Variants in GNA12 observed in about 807,000 individuals in gnomAD.
GNA12 encodes the protein guanine nucleotide-binding protein subunit alpha-12.
GNA12 carries 9 observed loss-of-function variants against 26.0 expected under a neutral mutation model. The ratio of observed to expected loss-of-function variants is 0.35; its 90% confidence interval spans 0.21 to 0.60. GNA12 has a LOEUF of 0.60. Ranked by LOEUF, GNA12 falls within the 20% of genes least tolerant of loss-of-function variation. GNA12 has a pLI of 0.78. For synonymous variants in GNA12, 264 were observed against 219.6 expected, an observed-to-expected ratio of 1.20 and a Z score of -1.79; for missense variants, 405 against 525.8, an observed-to-expected ratio of 0.77 and a Z score of 2.25.
chr7:2,784,522 T>A (rs578027264), intron 2 of GNA12, among the ~76,000 whole-genome samples: 1 of 152,374 alleles, frequency 6.6e-6, no homozygotes, highest in African/African-American at 2.4e-5. Context: ...ACTGTGGAAC[T>A]TCCTCACTGT....
Position 2,730,985 on chromosome 7 carries a change from T to C in GNA12, c.*196A>G, listed in dbSNP as rs1012726968. 3.7e-6 allele frequency: 2 copies of C among 534,260 alleles called. No individual in the cohort carries two copies. The highest frequency in any genetic ancestry group is 3.8e-5 in the African/African-American group (2 of 53,202). 33.1% of individuals were successfully genotyped at this position (534,260 alleles called of 1,614,324 possible). ...AGTTTCACTCGCCCCCAGGATTCAG[T>C]AGCTAACGTGACAGTTTCCATGTCC... is the stretch of plus-strand genomic sequence containing the variant. On this transcript the variant is annotated 3_prime_UTR_variant, in exon 4 of 4. Transcript: ENST00000275364.
chr7:2,777,053 G>A (rs1053181691), intron 2 of GNA12, among the ~76,000 whole-genome samples: 2 of 152,174 alleles, frequency 1.3e-5, no homozygotes, highest in African/African-American at 4.8e-5. Flanking sequence ...GACTGCAGCT[G>A]TACTTCCTGG....
chr7:2,843,827 G>C (rs934685916), intron 1 of GNA12, 26 bp downstream of exon 1: 16 of 1,370,006 alleles, frequency 1.2e-5, no homozygotes, highest in Non-Finnish European at 1.6e-5. Flanking sequence ...CCTGGGTGCA[G>C]GTGCTGGGCG....
intron 2 of GNA12, among the ~76,000 whole-genome samples, chr7:2,739,951 G>T (rs899928042): frequency 6.6e-6 from 1 of 152,194 alleles, no homozygotes; most frequent in Non-Finnish European, 1.5e-5. Context: ...GGGATTACAG[G>T]TGTGAGTCAC....
chr7:2,733,133 C>G (rs1362860622), intron 3 of GNA12, among the ~76,000 whole-genome samples: 1 of 152,176 alleles, frequency 6.6e-6, no homozygotes, highest in Non-Finnish European at 1.5e-5. Flanking sequence ...ACTGCCATGC[C>G]TGGGGTTTCA....
chr7:2,842,469 G>A (rs1779024940), intron 1 of GNA12, among the ~76,000 whole-genome samples: 1 of 152,094 alleles, frequency 6.6e-6, no homozygotes, highest in African/African-American at 2.4e-5. Flanking sequence ...CAACTAATGT[G>A]TTCATTTTTG....
At chr7:2,771,738 A>G (rs185211255) in intron 2 of GNA12, among the ~76,000 whole-genome samples, 1 of 150,426 alleles carries the variant, frequency 6.6e-6, no homozygotes, top group East Asian at 1.9e-4. Context: ...TGCCATAAAC[A>G]TGTGTGTGCA....
chr7:2,793,799 CT>C (rs1423217825), intron 2 of GNA12, among the ~76,000 whole-genome samples: 1 of 149,260 alleles, frequency 6.7e-6, no homozygotes, highest in Non-Finnish European at 1.5e-5. Flanking sequence ...GGGAGAATCA[CT>C]TGAATCCAGA....
At chr7:2,812,204 T>A (rs575509625) in intron 1 of GNA12, among the ~76,000 whole-genome samples, 3 of 152,374 alleles carry the variant, frequency 2.0e-5, no homozygotes, top group South Asian at 2.1e-4. Context: ...TCAGAATTCC[T>A]CCCTTAAGGA....
intron 1 of GNA12, among the ~76,000 whole-genome samples, chr7:2,827,021 G>A (rs924172726): frequency 2.6e-5 from 4 of 152,178 alleles, no homozygotes; most frequent in Non-Finnish European, 4.4e-5. Context: ...AAACTGGTGT[G>A]GGGGAGGCAG....
intron 1 of GNA12, 48 bp downstream of exon 1, chr7:2,843,805 C>T (rs1779084632): frequency 4.4e-6 from 5 of 1,139,236 alleles, no homozygotes; most frequent in South Asian, 1.9e-5. Context: ...CGGGGGTTAG[C>T]GCCCCGGCCC....
At chr7:2,739,602 G>A (rs974271802) in intron 2 of GNA12, among the ~76,000 whole-genome samples, 3 of 152,190 alleles carry the variant, frequency 2.0e-5, no homozygotes, top group Non-Finnish European at 2.9e-5. Context: ...ACAGCTGTGT[G>A]GAAGTTTTTG....
chr7:2,752,934 C>G (rs1466012944), intron 2 of GNA12, among the ~76,000 whole-genome samples: 1 of 152,176 alleles, frequency 6.6e-6, no homozygotes, highest in Non-Finnish European at 1.5e-5. Flanking sequence ...ATTTGTGTAA[C>G]CACCACTGCA....
At chr7:2,835,986 A>C in intron 1 of GNA12, 1 of 454,558 alleles carries the variant, frequency 2.2e-6, no homozygotes, top group South Asian at 2.2e-5. Context: ...TGTATGCAAA[A>C]TTTGGGAGCA....
chr7:2,731,157 C>T lies in GNA12; in HGVS notation c.*24G>A, dbSNP rs541738381. ...GACAGCCGTGGGGGCTGCTCAACGACGACAAACCCCGGGGCTTCCTCGCTC... is the reference window on the plus strand; with the variant it reads ...GACAGCCGTGGGGGCTGCTCAACGATGACAAACCCCGGGGCTTCCTCGCTC... On this transcript the variant is annotated 3_prime_UTR_variant, in exon 4 of 4. Transcript: ENST00000275364. The surrounding 1 kb of genome is among the most constrained non-coding windows in gnomAD (Gnocchi z 6.0). 23 of 1,555,238 alleles carry T rather than the reference C, an allele frequency of 1.5e-5. No individual in the cohort carries two copies. The highest frequency in any genetic ancestry group is 5.2e-5 in the Admixed American group (3 of 58,038).
chr7:2,760,241 C>T (rs997842026), intron 2 of GNA12: 1 of 152,448 alleles, frequency 6.6e-6, no homozygotes, highest in African/African-American at 2.4e-5. Flanking sequence ...GGAGGGCACA[C>T]CCCAGCACGA....
Position 2,814,998 on chromosome 7 carries a change from G to T in GNA12, c.310-19855C>A, listed in dbSNP as rs1328161787. The stretch of plus-strand genomic sequence containing the variant: ...GCTGACAAGGACGTCACTGTATCCA[G>T]GTCTAATCTCGCCCCTTCCACCCAA... On this transcript the variant is annotated intron_variant, in intron 1 of 3. Transcript: ENST00000275364. The T allele has an allele frequency of 4.5e-6, 7 of 1,543,302 alleles. No homozygotes were observed. The African/African-American group carries it at 9.6e-5, about 21-fold the overall frequency.
chr7:2,785,749 A>T (rs574281306), intron 2 of GNA12, among the ~76,000 whole-genome samples: 1 of 152,272 alleles, frequency 6.6e-6, no homozygotes, highest in East Asian at 1.9e-4. Flanking sequence ...CATACTAGGG[A>T]ATACTACTCA....
intron 1 of GNA12, among the ~76,000 whole-genome samples, chr7:2,821,127 C>T (rs1476926596): frequency 6.6e-6 from 1 of 152,228 alleles, no homozygotes; most frequent in Non-Finnish European, 1.5e-5. Context: ...AGATGCCAAT[C>T]AATTATTCTC....
Sources: allele counts gnomAD v4.1 joint callset (sites outside exome capture counted in the v4.1 genomes callset), GRCh38; gene constraint gnomAD v4.1.1; non-coding constraint Gnocchi (gnomAD v3.1); transcripts MANE v1.5; gene names NCBI Gene and HGNC (gene_info 2026-07-23, HGNC 2026-07-21).